Variants in DCC observed in about 807,000 individuals in gnomAD.
The protein encoded by DCC is DCC netrin 1 receptor.
A neutral mutation model predicts 172.5 loss-of-function variants in DCC; 58 were observed. The ratio of observed to expected loss-of-function variants is 0.34; its 90% CI spans 0.27 to 0.42. DCC has a LOEUF of 0.42. DCC is among the 10% of genes least tolerant of loss of function. The pLI, the probability that DCC is intolerant of heterozygous loss-of-function variation, is 1.00. For synonymous variants in DCC, 709 were observed against 644.5 expected (o/e 1.10, Z -1.52); for missense variants, 1,740 against 1,791.0 (o/e 0.97, Z 0.51).
rs964743292 is a variant in DCC at position 53,516,527 on chromosome 18, G to T, written c.4112-10090G>T. 5.8e-4 allele frequency among the ~76,000 whole-genome samples: 87 copies of T among 150,320 alleles called. 2 individuals carry two copies. The highest frequency in any genetic ancestry group is 2.0e-3 in the African/African-American group (81 of 40,006). ...AGTGAACAGGCAACCTACAAAATGG[G>T]AGAAAATTTTTGCAACCTACTCATC... On this transcript the variant is annotated intron_variant, in intron 27 of 28. Transcript: ENST00000442544.
At chr18:53,319,223 GCTA>G (rs1568053530) in intron 13 of DCC, among the ~76,000 whole-genome samples, 1 of 152,086 alleles carries the variant, frequency 6.6e-6, no homozygotes, top group Non-Finnish European at 1.5e-5. Context: ...AAAATAACCA[GCTA>G]GCATCATGAT....
chr18:53,144,836 CAT>C (rs1401736114), intron 7 of DCC, among the ~76,000 whole-genome samples: 2 of 151,926 alleles, frequency 1.3e-5, no homozygotes, highest in Non-Finnish European at 2.9e-5. Context: ...TCTTGATGGT[CAT>C]GTGGGAGAAG....
intron 1 of DCC, among the ~76,000 whole-genome samples, chr18:52,387,702 G>T (rs1311026070): frequency 6.6e-6 from 1 of 150,504 alleles, no homozygotes; most frequent in Non-Finnish European, 1.5e-5. Context: ...AGAAGAATGT[G>T]ATATTTCTAT....
At chr18:52,663,645 G>A (rs758206151) in intron 1 of DCC, among the ~76,000 whole-genome samples, 1 of 152,068 alleles carries the variant, frequency 6.6e-6, no homozygotes, top group African/African-American at 2.4e-5. Context: ...TCATAGTAAT[G>A]AATATATATT....
At chr18:52,401,145 T>C (rs1392181236) in intron 1 of DCC, among the ~76,000 whole-genome samples, 1 of 151,958 alleles carries the variant, frequency 6.6e-6, no homozygotes, top group Middle Eastern at 3.2e-3. Flanking sequence ...AACTCAATAG[T>C]GGATAAATTC....
rs73467263 is a variant in DCC, at chr18:53,370,841, C to T, written c.2360-15202C>T. Among the ~76,000 whole-genome samples the T allele has an allele frequency of 3.1e-3, 468 of 151,790 alleles. 4 individuals carry two copies. The highest frequency in any genetic ancestry group is 0.011 in the African/African-American group (448 of 41,462). ...TGTTGTTAGAGTGTTCTACATATGC[C>T]TGTTAAATCTAGTTGGTTTGTTTTG... On this transcript the variant is annotated intron_variant, in intron 15 of 28. Coordinates refer to ENST00000442544, the MANE Select transcript of DCC (RefSeq NM_005215.4).
chr18:52,428,446 A>T (rs984582588), intron 1 of DCC, among the ~76,000 whole-genome samples: 4 of 152,160 alleles, frequency 2.6e-5, no homozygotes, highest in African/African-American at 4.8e-5. Context: ...ACATCATAGA[A>T]AAAAAGGTCT....
At chr18:52,832,933 A>G (rs554605740) in intron 2 of DCC, among the ~76,000 whole-genome samples, 15 of 152,272 alleles carry the variant, frequency 9.9e-5, no homozygotes, top group Middle Eastern at 3.4e-3. Context: ...TCCAAAATTT[A>G]AAATGTACAT....
At chr18:53,142,431 A>G (rs2043844885) in intron 7 of DCC, among the ~76,000 whole-genome samples, 1 of 152,136 alleles carries the variant, frequency 6.6e-6, no homozygotes, top group Non-Finnish European at 1.5e-5. Flanking sequence ...TCCTTTTTTT[A>G]AATAAGTTCT....
intron 12 of DCC, among the ~76,000 whole-genome samples, chr18:53,284,216 T>G (rs1280654359): frequency 6.6e-6 from 1 of 152,140 alleles, no homozygotes; most frequent in Admixed American, 6.6e-5. Flanking sequence ...GGATTGAGAT[T>G]GAAACCTCCA....
At chr18:52,960,989 C>T (rs1179891076) in intron 5 of DCC, among the ~76,000 whole-genome samples, 1 of 152,044 alleles carries the variant, frequency 6.6e-6, no homozygotes, top group Non-Finnish European at 1.5e-5. Context: ...ATAATCAGGA[C>T]CAATAGTACC....
chr18:53,427,950 A>C (rs1367867042), intron 21 of DCC, among the ~76,000 whole-genome samples: 1 of 54,200 alleles, frequency 1.8e-5, no homozygotes. Context: ...ATATTATAAT[A>C]TATAATATAA....
chr18:52,677,315 A>T (rs893637207), intron 1 of DCC, among the ~76,000 whole-genome samples: 1 of 152,172 alleles, frequency 6.6e-6, no homozygotes, highest in Non-Finnish European at 1.5e-5. Flanking sequence ...AAGTGTGCAT[A>T]CATTACAAAA....
chr18:53,299,344 C>T (rs1651757621), intron 12 of DCC, among the ~76,000 whole-genome samples: 1 of 152,176 alleles, frequency 6.6e-6, no homozygotes, highest in African/African-American at 2.4e-5. Flanking sequence ...TTTTCCCAAT[C>T]TACCTTTCCT....
chr18:53,055,476 A>T (rs533753429), intron 5 of DCC, among the ~76,000 whole-genome samples: 3 of 152,258 alleles, frequency 2.0e-5, no homozygotes, highest in East Asian at 3.9e-4. Context: ...AATGCTTAGA[A>T]TGAAATCCAT....
intron 2 of DCC, among the ~76,000 whole-genome samples, chr18:52,775,424 C>T (rs1004529889): frequency 5.9e-5 from 9 of 152,238 alleles, no homozygotes; most frequent in Admixed American, 5.9e-4. Context: ...ACAGATCTTT[C>T]TGTATCCCGG....
intron 15 of DCC, among the ~76,000 whole-genome samples, chr18:53,365,146 A>T (rs895343332): frequency 1.5e-4 from 23 of 151,550 alleles, no homozygotes; most frequent in African/African-American, 5.1e-4. Flanking sequence ...TCATTGTTCA[A>T]TTCCCACCTA....
chr18:53,466,689 CTAATTTTTG>C (rs1448442655), intron 24 of DCC, among the ~76,000 whole-genome samples: 1 of 152,230 alleles, frequency 6.6e-6, no homozygotes, highest in Admixed American at 6.5e-5. Context: ...CCACACCCAG[CTAATTTTTG>C]TATTTTTAGT....
intron 23 of DCC, among the ~76,000 whole-genome samples, chr18:53,452,613 C>T (rs2045427807): frequency 6.6e-6 from 1 of 152,096 alleles, no homozygotes; most frequent in Admixed American, 6.5e-5. Context: ...ACTCTGAGCC[C>T]TGAGTATGAC....
Sources: gnomAD v4.1 joint callset for allele counts (sites outside exome capture counted in the v4.1 genomes callset) on GRCh38, gnomAD v4.1.1 for gene constraint, MANE v1.5 for transcripts, NCBI Gene and HGNC (gene_info 2026-07-23, HGNC 2026-07-21) for gene names.